The following CPEB3 variants were observed in gnomAD, a reference collection of about 807,000 sequenced individuals.
CPEB3 encodes cytoplasmic polyadenylation element binding protein 3.
A neutral mutation model predicts 67.2 loss-of-function variants in CPEB3; 20 were observed. The observed-to-expected ratio is 0.30, with a 90% CI of 0.21 to 0.43. CPEB3 has a LOEUF of 0.43. CPEB3 is among the 20% of genes least tolerant of loss of function. The pLI is 1.00. For missense variants in CPEB3, 746 were observed against 968.6 expected, an observed-to-expected ratio of 0.77 and a Z score of 3.05; for synonymous variants, 376 against 393.1, an observed-to-expected ratio of 0.96 and a Z score of 0.51.
At chr10:92,246,351 C>A (rs1590521248) in intron 1 of CPEB3, among the ~76,000 whole-genome samples, 1 of 149,846 alleles carries the variant, frequency 6.7e-6, no homozygotes, top group Non-Finnish European at 1.5e-5. Context: ...AAAAAAAAAA[C>A]GAAAAACAAA....
At chr10:92,134,185 A>G (rs868752749) in intron 6 of CPEB3, among the ~76,000 whole-genome samples, 2 of 152,284 alleles carry the variant, frequency 1.3e-5, no homozygotes, top group Middle Eastern at 6.8e-3. Context: ...GGCAAGAGAA[A>G]GAAATAAAGG....
At chr10:92,211,433 A>T (rs1850077234) in intron 2 of CPEB3, among the ~76,000 whole-genome samples, 1 of 152,234 alleles carries the variant, frequency 6.6e-6, no homozygotes, top group South Asian at 2.1e-4. Flanking sequence ...AGAAACAGAA[A>T]CTATGACTCA....
At chr10:92,216,476 A>C in intron 2 of CPEB3, 3 of 1,612,904 alleles carry the variant, frequency 1.9e-6, no homozygotes, top group Non-Finnish European at 2.5e-6. Context: ...GAAGCTCTAC[A>C]AATGCATTAA....
intron 6 of CPEB3, among the ~76,000 whole-genome samples, chr10:92,138,982 A>C (rs1472489012): frequency 6.6e-6 from 1 of 152,196 alleles, no homozygotes; most frequent in Admixed American, 6.5e-5. Context: ...ATGGATAAAG[A>C]ATATGTGGTA....
chr10:92,211,721 T>G (rs1850096237), intron 2 of CPEB3, among the ~76,000 whole-genome samples: 1 of 150,894 alleles, frequency 6.6e-6, no homozygotes, highest in South Asian at 2.1e-4. Flanking sequence ...GTGTGTATTT[T>G]TAGTAGAGAC....
intron 1 of CPEB3, among the ~76,000 whole-genome samples, chr10:92,258,315 G>A (rs1158862316): frequency 1.3e-5 from 2 of 151,460 alleles, no homozygotes; most frequent in East Asian, 3.9e-4. Flanking sequence ...GGCCAGGCTG[G>A]TCTTGAACTC....
chr10:92,152,621 G>T (rs1311045471), intron 4 of CPEB3, among the ~76,000 whole-genome samples: 1 of 152,156 alleles, frequency 6.6e-6, no homozygotes, highest in Non-Finnish European at 1.5e-5. Context: ...GATAATAATT[G>T]AAGCTGATGA....
At chr10:92,246,837 G>T (rs1554933281) in intron 1 of CPEB3, among the ~76,000 whole-genome samples, 1 of 152,124 alleles carries the variant, frequency 6.6e-6, no homozygotes, top group Non-Finnish European at 1.5e-5. Flanking sequence ...CAGTAACATA[G>T]AAATTTTTAA....
intron 7 of CPEB3, 68 bp from the exon 8 acceptor site, chr10:92,092,012 A>G: frequency 3.2e-6 from 3 of 934,598 alleles, no homozygotes; most frequent in Non-Finnish European, 3.5e-6. Context: ...TAAGATGACT[A>G]AAGACAAACC....
intron 1 of CPEB3, among the ~76,000 whole-genome samples, chr10:92,248,685 C>T (rs1252306214): frequency 1.3e-5 from 2 of 152,056 alleles, no homozygotes; most frequent in African/African-American, 4.8e-5. Flanking sequence ...AAATAGAAAA[C>T]CATTTTGGCT....
intron 6 of CPEB3, among the ~76,000 whole-genome samples, chr10:92,133,556 A>G (rs1406830125): frequency 6.6e-6 from 1 of 152,196 alleles, no homozygotes; most frequent in Non-Finnish European, 1.5e-5. Flanking sequence ...CCAGGACCAG[A>G]TGGATTCACA....
chr10:92,061,129 G>A (rs1842326977), intron 9 of CPEB3, among the ~76,000 whole-genome samples: 1 of 152,100 alleles, frequency 6.6e-6, no homozygotes, highest in South Asian at 2.1e-4. Flanking sequence ...TCCATCAACA[G>A]ATGAATGGGC....
At chr10:92,072,158 C>T (rs878982513) in intron 9 of CPEB3, among the ~76,000 whole-genome samples, 6 of 152,230 alleles carry the variant, frequency 3.9e-5, no homozygotes, top group Admixed American at 2.0e-4. Flanking sequence ...AAAAAGCCTT[C>T]GATCCTTTAA....
intron 8 of CPEB3, among the ~76,000 whole-genome samples, chr10:92,088,987 C>A (rs1843497031): frequency 6.6e-6 from 1 of 152,148 alleles, no homozygotes; most frequent in African/African-American, 2.4e-5. Flanking sequence ...CTTCTGAAAT[C>A]TTTTGACTGT....
intron 1 of CPEB3, among the ~76,000 whole-genome samples, chr10:92,247,303 C>T (rs1852113226): frequency 6.6e-6 from 1 of 152,008 alleles, no homozygotes; most frequent in African/African-American, 2.4e-5. Flanking sequence ...CTGCAACCTC[C>T]ACCTCCCAGG....
chr10:92,111,125 T>G lies in CPEB3; in HGVS notation c.1523A>C (p.Asp508Ala), dbSNP rs750294986. 6.2e-7 allele frequency: 1 copy of G among 1,614,162 alleles called. No homozygotes were observed. The highest frequency in any genetic ancestry group is 8.5e-7 in the Non-Finnish European group (1 of 1,180,008). The change falls in exon 7 of 10, where the codon GAT (aspartate) becomes GCT (alanine). Residue 508 changes from aspartate (D) to alanine (A), a missense_variant. By Grantham distance (126) the Asp-to-Ala change is moderately radical. Coordinates refer to ENST00000265997, the MANE Select transcript of CPEB3 (RefSeq NM_014912.5). ...TGACACACACAGGTAGAGTTTCCCATCTTCTTCTAGGCAGGCATCTATCAA... is the reference window on the plus strand; with the variant it reads ...TGACACACACAGGTAGAGTTTCCCAGCTTCTTCTAGGCAGGCATCTATCAA... Reference protein sequence around the residue: ...QALIDACLEEDGKLYLCVSSP... With the variant: ...QALIDACLEEAGKLYLCVSSP...
At chr10:92,258,258 C>T (rs910149427) in intron 1 of CPEB3, among the ~76,000 whole-genome samples, 1 of 151,480 alleles carries the variant, frequency 6.6e-6, no homozygotes, top group Non-Finnish European at 1.5e-5. Flanking sequence ...CGCCACCACA[C>T]CTGGCTAATT....
chr10:92,215,040 G>T (rs946699772), intron 2 of CPEB3, among the ~76,000 whole-genome samples: 4 of 151,622 alleles, frequency 2.6e-5, no homozygotes, highest in African/African-American at 9.7e-5. Context: ...TGGAGGCGGG[G>T]TTTTGCCATG....
rs1285967866 is a variant in CPEB3 at position 92,051,954 on chromosome 10, A to G, written c.*258T>C. The G allele has an allele frequency of 8.1e-6, 3 of 368,982 alleles. No homozygotes were observed. The highest frequency in any genetic ancestry group is 1.5e-5 in the Non-Finnish European group (3 of 203,954). 22.9% of individuals were successfully genotyped at this position (368,982 alleles called of 1,614,324 possible). On this transcript the variant is annotated 3_prime_UTR_variant, in exon 10 of 10. Transcript: ENST00000265997. Reference sequence around the variant, plus strand: ...AGTGACAAATCAGGTATAAAAAATTAAGGTACCAAGCAGACAAAGGTGTGA... The same window carrying G: ...AGTGACAAATCAGGTATAAAAAATTGAGGTACCAAGCAGACAAAGGTGTGA...
Sources: gnomAD v4.1 joint callset for allele counts (sites outside exome capture counted in the v4.1 genomes callset) on GRCh38, gnomAD v4.1.1 for gene constraint, MANE v1.5 for transcripts, NCBI Gene and HGNC (gene_info 2026-07-23, HGNC 2026-07-21) for gene names.